Variants in AMOT observed in about 807,000 individuals in gnomAD.
The protein encoded by AMOT is angiomotin.
Under a neutral mutation model 67.0 loss-of-function variants are expected in AMOT, and 11 were observed. The ratio of observed to expected loss-of-function variants is 0.16; its 90% CI spans 0.10 to 0.27. AMOT has a LOEUF of 0.27. Among genes scored for constraint, AMOT ranks in the 10% least tolerant of loss-of-function variants. The pLI, the probability that AMOT is intolerant of heterozygous loss-of-function variation, is 1.00. For synonymous variants in AMOT, 326 were observed against 321.4 expected, an observed-to-expected ratio of 1.01 and a Z score of -0.15; for missense variants, 753 against 852.0, an observed-to-expected ratio of 0.88 and a Z score of 1.45.
At chrX:112,806,849 C>T (rs1476658206) in intron 7 of AMOT, among the ~76,000 whole-genome samples, 1 of 111,687 alleles carries the variant, frequency 9.0e-6, no homozygotes, top group Admixed American at 9.5e-5. Context: ...TGAATTCCAA[C>T]GAAGTAATTC....
intron 8 of AMOT, among the ~76,000 whole-genome samples, chrX:112,800,404 G>C (rs959550267): frequency 8.9e-6 from 1 of 111,822 alleles, no homozygotes; most frequent in Non-Finnish European, 1.9e-5. Context: ...GAAGATTCCT[G>C]GGTGGATATG....
At chrX:112,782,696 C>T (rs986726132) in intron 10 of AMOT, 34 bp from the exon 11 acceptor site, 19 of 1,182,398 alleles carry the variant, frequency 1.6e-5, no homozygotes, top group Non-Finnish European at 2.0e-5. Context: ...GAGATGGGAG[C>T]ATAGCAAGAT....
intron 8 of AMOT, among the ~76,000 whole-genome samples, chrX:112,796,434 A>G (rs1044268379): frequency 4.5e-5 from 5 of 112,105 alleles, no homozygotes; most frequent in African/African-American, 6.5e-5. Flanking sequence ...TAATCTAGAG[A>G]CCAGTACCCA....
chrX:112,792,122 A>C lies in AMOT; in HGVS notation c.1777-141T>G, dbSNP rs1933630187. ...CAGCTGCAAAAAGGAATGGATGGCGAGAAGGTCCTTCACAATGAGTAGCAG... is the reference window on the plus strand; with the variant it reads ...CAGCTGCAAAAAGGAATGGATGGCGCGAAGGTCCTTCACAATGAGTAGCAG... On this transcript the variant is annotated intron_variant, in intron 8 of 13. Transcript: ENST00000371959. 4 of 676,754 alleles carry C rather than the reference A, an allele frequency of 5.9e-6. No homozygotes were observed. The East Asian group carries it at 1.4e-4, about 23-fold the overall frequency. 55.8% of individuals were successfully genotyped at this position (676,754 alleles called of 1,213,427 possible). A position where few individuals can be genotyped will look rare whatever the true frequency, so the allele number is the denominator to read the frequency against.
intron 10 of AMOT, among the ~76,000 whole-genome samples, 198 bp downstream of exon 10, chrX:112,790,394 A>C (rs1235031820): frequency 9.0e-6 from 1 of 110,997 alleles, no homozygotes; most frequent in Non-Finnish European, 1.9e-5. Context: ...AAGTTTATAA[A>C]ACAACTTTGA....
At chrX:112,790,477 A>G in intron 10 of AMOT, 115 bp downstream of exon 10, 1 of 812,751 alleles carries the variant, frequency 1.2e-6, no homozygotes, top group Middle Eastern at 3.5e-4. Flanking sequence ...AAACACACTT[A>G]GGCAGAAATT....
chrX:112,816,342 A>G (rs1472989310), intron 4 of AMOT, among the ~76,000 whole-genome samples: 2 of 111,402 alleles, frequency 1.8e-5, no homozygotes, highest in Non-Finnish European at 3.8e-5. Flanking sequence ...GGAAACAACA[A>G]ACAGCCATAA....
intron 4 of AMOT, 38 bp from the exon 5 acceptor site, chrX:112,815,915 T>A: frequency 2.6e-6 from 3 of 1,144,095 alleles, no homozygotes; most frequent in Non-Finnish European, 3.5e-6. Flanking sequence ...TTAATTTCTC[T>A]CCTAAGGCAC....
At chrX:112,785,021 T>C (rs112838376) in intron 10 of AMOT, among the ~76,000 whole-genome samples, 2 of 111,798 alleles carry the variant, frequency 1.8e-5, no homozygotes, top group Non-Finnish European at 3.8e-5. Flanking sequence ...AGGGCAGCCC[T>C]CAGCATCAAT....
chrX:112,820,171 T>G (rs916525576), intron 4 of AMOT, among the ~76,000 whole-genome samples: 3 of 111,968 alleles, frequency 2.7e-5, no homozygotes, highest in Admixed American at 1.9e-4. Flanking sequence ...TTAGGTTTGC[T>G]TATTCATCAA....
intron 11 of AMOT, among the ~76,000 whole-genome samples, chrX:112,781,469 CCTT>C (rs1933171741): frequency 1.1e-5 from 1 of 95,058 alleles, no homozygotes; most frequent in Non-Finnish European, 2.1e-5. Flanking sequence ...AAAAAAAAAA[CCTT>C]CTTGCTACCT....
In AMOT at chrX:112,834,482, A is replaced by G. The variant is rs762917309; in HGVS notation, c.-288-2112T>C. 1.7e-4 allele frequency among the ~76,000 whole-genome samples: 19 copies of G among 111,703 alleles called. 1 individual carries two copies. Among genetic ancestry groups the G allele is most frequent in the African/African-American group, 5.8e-4 (18 of 30,779 alleles). On this transcript the variant is annotated intron_variant, in intron 1 of 13. Coordinates refer to ENST00000371959, the MANE Select transcript of AMOT (RefSeq NM_001113490.2). ...GATCTGATGTGACACCAATAAGAAGAAGGGAGACTCTCCACCAAATCCACC... is the reference window on the plus strand; with the variant it reads ...GATCTGATGTGACACCAATAAGAAGGAGGGAGACTCTCCACCAAATCCACC...
Position 112,790,638 on chromosome X carries a change from T to A in AMOT, c.2071A>T (p.Met691Leu), listed in dbSNP as rs1933537838. The change falls in exon 10 of 14, where the codon ATG becomes TTG. Residue 691 changes from methionine (M) to leucine (L), a missense_variant. By Grantham distance (15) the Met-to-Leu change is conservative (BLOSUM62 2). Coordinates refer to ENST00000371959, the MANE Select transcript of AMOT (RefSeq NM_001113490.2). ...WEQKYLEENV[M>L]RHFALDAAAT... The stretch of plus-strand genomic sequence containing the variant: ...GCAGCATCCAGAGCAAAATGTCTCA[T>A]CACATTCTCCTCCAAATATTTCTGC... 2.5e-6 allele frequency: 3 copies of A among 1,208,870 alleles called. No homozygotes were observed. The highest frequency in any genetic ancestry group is 3.4e-6 in the Non-Finnish European group (3 of 894,696).
At chrX:112,778,758 G>A in intron 13 of AMOT, 94 bp from the exon 14 acceptor site, 1 of 840,422 alleles carries the variant, frequency 1.2e-6, no homozygotes. Context: ...TGAAGCCAAT[G>A]GCAAAGTGAG....
At chrX:112,824,357 C>T (rs192502327) in intron 3 of AMOT, among the ~76,000 whole-genome samples, 87 of 111,482 alleles carry the variant, frequency 7.8e-4, no homozygotes, top group Admixed American at 4.0e-3. Flanking sequence ...TAATGTCACA[C>T]GAAAAGTCAC....
chrX:112,802,163 C>T (rs1008198233), intron 8 of AMOT, among the ~76,000 whole-genome samples: 3 of 112,120 alleles, frequency 2.7e-5, no homozygotes, highest in Non-Finnish European at 5.6e-5. Flanking sequence ...AATGAAGGTT[C>T]CTTCCTAGAT....
intron 10 of AMOT, among the ~76,000 whole-genome samples, chrX:112,785,182 T>C (rs1176240381): frequency 1.8e-5 from 2 of 112,395 alleles, no homozygotes; most frequent in African/African-American, 3.2e-5. Context: ...GGCTACGATC[T>C]GAAAATAAAA....
intron 8 of AMOT, among the ~76,000 whole-genome samples, chrX:112,798,987 G>T (rs750150028): frequency 3.4e-4 from 38 of 111,556 alleles, no homozygotes; most frequent in Non-Finnish European, 6.4e-4. Flanking sequence ...AACAACTGTG[G>T]GTGTCTTTCA....
intron 10 of AMOT, among the ~76,000 whole-genome samples, chrX:112,785,458 T>C (rs981558859): frequency 2.7e-5 from 3 of 112,000 alleles, no homozygotes; most frequent in African/African-American, 9.8e-5. Context: ...TGTTTGAAGT[T>C]CCTGGGAGGC....
Sources: gnomAD v4.1 joint callset for allele counts (sites outside exome capture counted in the v4.1 genomes callset) on GRCh38, gnomAD v4.1.1 for gene constraint, MANE v1.5 for transcripts, NCBI Gene and HGNC (gene_info 2026-07-23, HGNC 2026-07-21) for gene names.